Variants in PRPF18 observed in about 807,000 individuals in gnomAD.
The protein encoded by PRPF18 is pre-mRNA processing factor 18.
In PRPF18, 38 loss-of-function variants were observed where a neutral mutation model predicts 46.5. The observed-to-expected ratio is 0.82, with a 90% confidence interval of 0.63 to 1.07. The LOEUF is 1.07. Ranked by LOEUF, PRPF18 falls within the 50% of genes least tolerant of loss-of-function variation. The probability of loss-of-function intolerance (pLI) is 0.00; values close to 1 mark genes in which losing one functional copy is unlikely to be tolerated. For synonymous variants in PRPF18, 152 were observed against 146.7 expected (o/e 1.04, Z -0.26); for missense variants, 263 against 410.0 (o/e 0.64, Z 3.10).
Position 13,611,535 on chromosome 10 carries a change from G to A in PRPF18, c.511-80G>A, listed in dbSNP as rs912365406. The A allele has an allele frequency of 1.1e-5, 13 of 1,161,422 alleles. No individual in the cohort carries two copies. In the African/African-American group the frequency reaches 1.5e-4, roughly 14 times the overall value. 71.9% of individuals were successfully genotyped at this position (1,161,422 alleles called of 1,614,324 possible). On this transcript the variant is annotated intron_variant, in intron 5 of 9. Transcript: ENST00000378572. ...AACAGCATATGTGACCAAGAGCCAT[G>A]TTTAGACTGGTGTTGGTAATATATA...
chr10:13,652,021 C>CAG, the PRPF18 span: 4 of 975,446 alleles, frequency 4.1e-6, no homozygotes, highest in Non-Finnish European at 6.7e-6. Context: ...GGTCATGTTA[C>CAG]AGAGAGACAC....
At position 13,626,803 on chromosome 10, in the gene PRPF18, AT is replaced by A. The variant is rs56355221; in HGVS notation, c.949-3445del. Among the ~76,000 whole-genome samples, 258 of 149,788 alleles carry A rather than the reference AT, an allele frequency of 1.7e-3. 1 individual carries two copies. Among genetic ancestry groups the A allele is most frequent in the South Asian group, 0.017 (79 of 4,750 alleles). The stretch of plus-strand genomic sequence containing the variant: ...TATTATTTGATACAAGAATCGTGTG[AT>A]TTTTTTTTTTTCCCCTCAAACAGTG... On this transcript the variant is annotated intron_variant, in intron 9 of 9. Transcript: ENST00000378572.
chr10:13,616,248 T>G, intron 8 of PRPF18, 150 bp from the exon 9 acceptor site: 1 of 766,524 alleles, frequency 1.3e-6, no homozygotes, highest in East Asian at 2.7e-5. Flanking sequence ...TTAATCTGTT[T>G]TGTTTGAATA....
the PRPF18 span, chr10:13,641,895 CAATT>C: frequency 1.3e-5 from 2 of 152,044 alleles, no homozygotes; most frequent in Non-Finnish European, 2.9e-5. Flanking sequence ...AAGGAGAAAA[CAATT>C]AGCTCGTGGG....
In PRPF18 at chr10:13,586,988, T is replaced by C; in HGVS notation, c.-99T>C. On this transcript the variant is annotated 5_prime_UTR_variant, in exon 1 of 10. Coordinates refer to ENST00000378572, the MANE Select transcript of PRPF18 (RefSeq NM_003675.4). The stretch of plus-strand genomic sequence containing the variant: ...TCAGTTGTTCTCAGGTGTTTGGGCT[T>C]GTTGTTCCGTATACTCAGTGGGTTC... 3 of 1,239,348 alleles carry C rather than the reference T, an allele frequency of 2.4e-6. No homozygotes were observed. The highest frequency in any genetic ancestry group is 1.9e-4 in the Middle Eastern group (1 of 5,334). 76.8% of individuals were successfully genotyped at this position (1,239,348 alleles called of 1,614,324 possible). A position where few individuals can be genotyped will look rare whatever the true frequency, so the allele number is the denominator to read the frequency against.
chr10:13,626,587 AG>A (rs1432005864), intron 9 of PRPF18, among the ~76,000 whole-genome samples: 11 of 152,178 alleles, frequency 7.2e-5, no homozygotes, highest in African/African-American at 2.7e-4. Context: ...GTGGTGTAAG[AG>A]TGAGATATCC....
chr10:13,629,389 C>A (rs910738040), intron 9 of PRPF18, among the ~76,000 whole-genome samples: 4 of 152,082 alleles, frequency 2.6e-5, no homozygotes, highest in African/African-American at 9.7e-5. Context: ...TTGGTACATA[C>A]AAAAGAATAC....
the PRPF18 span, chr10:13,655,637 C>T: frequency 1.3e-5 from 2 of 152,212 alleles, no homozygotes; most frequent in Non-Finnish European, 2.9e-5. Flanking sequence ...CTGCTGTCTC[C>T]AGGCACCAAG....
downstream of PRPF18, among the ~76,000 whole-genome samples, chr10:13,632,185 CA>C (rs1301667032): frequency 5.3e-5 from 8 of 152,054 alleles, 1 homozygote; most frequent in East Asian, 1.2e-3. Context: ...ACTAAAAATA[CA>C]AAAAATTAGC....
At chr10:13,603,895 A>G (rs1181018944) in intron 3 of PRPF18, among the ~76,000 whole-genome samples, 1 of 152,206 alleles carries the variant, frequency 6.6e-6, no homozygotes, top group East Asian at 1.9e-4. Context: ...GTGAGGCTGG[A>G]GAGAAGAATT....
At chr10:13,623,331 C>T (rs1471156460) in intron 9 of PRPF18, among the ~76,000 whole-genome samples, 4 of 152,150 alleles carry the variant, frequency 2.6e-5, no homozygotes, top group African/African-American at 7.2e-5. Context: ...CATCACATTT[C>T]AGGTCAAATG....
Position 13,613,866 on chromosome 10 carries a change from A to G in PRPF18, c.705A>G (p.Arg235=). ...QTESYLRPLF[R]KLRKRNLPAD... ...AGTCCTACCTAAGACCACTTTTTAG[A>G]AAGCTACGGAAAAGGGTGAGGTTTC... The change falls in exon 7 of 10, where the codon AGA becomes AGG. Residue 235 remains arginine, a synonymous_variant. Transcript: ENST00000378572. 6.2e-7 allele frequency: 1 copy of G among 1,608,718 alleles called. No homozygotes were observed. Among genetic ancestry groups the G allele is most frequent in the Non-Finnish European group, 8.5e-7 (1 of 1,178,742 alleles).
chr10:13,612,729 C>G (rs1359195147), intron 6 of PRPF18, among the ~76,000 whole-genome samples: 1 of 147,288 alleles, frequency 6.8e-6, no homozygotes, highest in Non-Finnish European at 1.5e-5. Flanking sequence ...AAATCCTGGG[C>G]TCATCAACCT....
chr10:13,633,187 G>A (rs764891430), downstream of PRPF18, among the ~76,000 whole-genome samples: 10 of 152,204 alleles, frequency 6.6e-5, no homozygotes, highest in Admixed American at 2.0e-4. Flanking sequence ...TCCGAATCTC[G>A]TAGGAGGAAG....
chr10:13,632,158 T>G (rs959966159), downstream of PRPF18, among the ~76,000 whole-genome samples: 3 of 152,136 alleles, frequency 2.0e-5, no homozygotes, highest in Admixed American at 6.5e-5. Flanking sequence ...TGGCTAACAC[T>G]GTGAAACCCT....
At chr10:13,632,292 G>C (rs1470854816), downstream of PRPF18, among the ~76,000 whole-genome samples, 1 of 152,098 alleles carries the variant, frequency 6.6e-6, no homozygotes, top group Non-Finnish European at 1.5e-5. Flanking sequence ...AGTGAGCCGA[G>C]ATCGTGCCAC....
intron 9 of PRPF18, among the ~76,000 whole-genome samples, chr10:13,620,503 G>A (rs2080406921): frequency 6.6e-6 from 1 of 152,126 alleles, no homozygotes; most frequent in South Asian, 2.1e-4. Context: ...TTCTTGATAC[G>A]TGTCATGTAT....
At position 13,630,495 on chromosome 10, in the gene PRPF18, T is replaced by A; in HGVS notation, c.*155T>A. ...CTCTTGATTGGTTTTAAGAACTTTG[T>A]TGGCCTTCATTTCATATCTGACTGC... On this transcript the variant is annotated 3_prime_UTR_variant, in exon 10 of 10. Coordinates refer to ENST00000378572, the MANE Select transcript of PRPF18 (RefSeq NM_003675.4). 1 of 485,006 alleles carries A rather than the reference T, an allele frequency of 2.1e-6. No homozygotes were observed. Among genetic ancestry groups the A allele is most frequent in the Non-Finnish European group, 3.6e-6 (1 of 277,554 alleles). The allele number at this position is 485,006 out of a possible 1,614,324, so 30.0% of individuals were successfully genotyped here. A position where few individuals can be genotyped will look rare whatever the true frequency, so the allele number is the denominator to read the frequency against.
the PRPF18 span, chr10:13,655,493 G>C: frequency 6.6e-6 from 1 of 152,202 alleles, no homozygotes; most frequent in African/African-American, 2.4e-5. Flanking sequence ...GAAGTCCACG[G>C]AACACCCACC....
Sources: allele counts gnomAD v4.1 joint callset (sites outside exome capture counted in the v4.1 genomes callset), GRCh38; gene constraint gnomAD v4.1.1; transcripts MANE v1.5; gene names NCBI Gene and HGNC (gene_info 2026-07-23, HGNC 2026-07-21).